Variants in PIP4K2A observed in about 807,000 individuals in gnomAD.
PIP4K2A encodes the protein phosphatidylinositol-5-phosphate 4-kinase type 2 alpha.
PIP4K2A carries 14 observed loss-of-function variants against 42.9 expected under a neutral mutation model. That is an observed-to-expected ratio of 0.33 (90% confidence interval 0.22 to 0.51). The LOEUF is 0.51. Among genes scored for constraint, PIP4K2A ranks in the 20% least tolerant of loss-of-function variants. PIP4K2A has a pLI of 0.97. For missense variants in PIP4K2A, 434 were observed against 519.8 expected (o/e 0.83, Z 1.61); for synonymous variants, 192 against 192.2 (o/e 1.00, Z 0.01).
chr10:22,596,645 C>G (rs1308506120), intron 3 of PIP4K2A, among the ~76,000 whole-genome samples: 1 of 152,252 alleles, frequency 6.6e-6, no homozygotes, highest in Non-Finnish European at 1.5e-5. Context: ...TTGATGGAAA[C>G]AGAGCTTGGG....
At chr10:22,572,709 G>A (rs1473158957) in intron 5 of PIP4K2A, among the ~76,000 whole-genome samples, 1 of 152,172 alleles carries the variant, frequency 6.6e-6, no homozygotes, top group Non-Finnish European at 1.5e-5. Flanking sequence ...CCCCTGAATT[G>A]GTGATACCAG....
chr10:22,663,770 CATAA>C (rs1839253684), intron 1 of PIP4K2A, among the ~76,000 whole-genome samples: 2 of 151,710 alleles, frequency 1.3e-5, no homozygotes, highest in African/African-American at 4.8e-5. Flanking sequence ...TAATATTCCA[CATAA>C]ATACACAGTC....
At chr10:22,652,506 A>T (rs111282812) in intron 1 of PIP4K2A, among the ~76,000 whole-genome samples, 69 of 152,334 alleles carry the variant, frequency 4.5e-4, no homozygotes, top group African/African-American at 1.5e-3. Flanking sequence ...CTGCAAAGCA[A>T]TGTCTTCGTA....
At chr10:22,674,240 C>A (rs1321819323) in intron 1 of PIP4K2A, among the ~76,000 whole-genome samples, 1 of 152,126 alleles carries the variant, frequency 6.6e-6, no homozygotes, top group African/African-American at 2.4e-5. Flanking sequence ...AAAGCATTAA[C>A]TAGCCTTCAT....
chr10:22,587,697 C>A (rs556193606), intron 4 of PIP4K2A, among the ~76,000 whole-genome samples: 1 of 152,140 alleles, frequency 6.6e-6, no homozygotes, highest in Admixed American at 6.6e-5. Context: ...ATCAAAATCT[C>A]GTCTGGAAGT....
At chr10:22,681,425 T>A (rs538979881) in intron 1 of PIP4K2A, among the ~76,000 whole-genome samples, 1 of 152,286 alleles carries the variant, frequency 6.6e-6, no homozygotes, top group South Asian at 2.1e-4. Flanking sequence ...TGTAATCCCA[T>A]CACCTTGAGA....
intron 1 of PIP4K2A, among the ~76,000 whole-genome samples, chr10:22,643,774 G>T (rs1257812408): frequency 6.6e-6 from 1 of 151,982 alleles, no homozygotes; most frequent in Admixed American, 6.6e-5. Flanking sequence ...AGAAGATGGG[G>T]TAGGTGCCTT....
chr10:22,670,990 C>T (rs1382006013), intron 1 of PIP4K2A, among the ~76,000 whole-genome samples: 2 of 152,106 alleles, frequency 1.3e-5, no homozygotes, highest in Non-Finnish European at 2.9e-5. Flanking sequence ...GGCATCATCC[C>T]ATCGGGCATC....
In PIP4K2A at chr10:22,714,560, C is replaced by T. The variant is rs1198774196; in HGVS notation, c.-234G>A. 1 of 147,398 alleles carries T rather than the reference C, an allele frequency of 6.8e-6. No homozygotes were observed. The highest frequency in any genetic ancestry group is 2.0e-4 in the East Asian group (1 of 5,064). The allele number at this position is 147,398 out of a possible 1,614,324, so 9.1% of individuals were successfully genotyped here. A position where few individuals can be genotyped will look rare whatever the true frequency, so the allele number is the denominator to read the frequency against. ...CCCGTATCCTGCGCCCGCCGCGGAT[C>T]CGCGCTCAGCCCGCGGCTGGACCCG... On this transcript the variant is annotated 5_prime_UTR_variant, in exon 1 of 10. Coordinates refer to ENST00000376573, the MANE Select transcript of PIP4K2A (RefSeq NM_005028.5).
chr10:22,614,755 A>G (rs191471665), intron 1 of PIP4K2A, among the ~76,000 whole-genome samples: 171 of 152,322 alleles, frequency 1.1e-3, no homozygotes, highest in Admixed American at 2.4e-3. Context: ...GCTGCTTAAT[A>G]ACTGAAAAGA....
chr10:22,560,203 G>C (rs1408659801), intron 6 of PIP4K2A, among the ~76,000 whole-genome samples: 1 of 152,148 alleles, frequency 6.6e-6, no homozygotes, highest in African/African-American at 2.4e-5. Flanking sequence ...TGAATTGAGG[G>C]CCTAAAAAGC....
intron 1 of PIP4K2A, among the ~76,000 whole-genome samples, chr10:22,682,308 C>G (rs1839680067): frequency 6.6e-6 from 1 of 152,160 alleles, no homozygotes; most frequent in Admixed American, 6.5e-5. Context: ...TCTTTTTAAC[C>G]TAGCAACTAT....
intron 3 of PIP4K2A, among the ~76,000 whole-genome samples, chr10:22,598,317 C>G (rs1837678300): frequency 6.6e-6 from 1 of 152,122 alleles, no homozygotes; most frequent in Non-Finnish European, 1.5e-5. Flanking sequence ...ATGATTGTAC[C>G]ACTGCACTCC....
chr10:22,541,879 G>T lies in PIP4K2A; in HGVS notation c.961C>A (p.Leu321Met). 6.2e-7 allele frequency: 1 copy of T among 1,612,768 alleles called. No individual in the cohort carries two copies. The change falls in exon 8 of 10, where the codon CTG (leucine) becomes ATG (methionine). Residue 321 changes from leucine (L) to methionine (M), a missense_variant. Leu to Met is a conservative substitution (Grantham distance 15). Coordinates refer to ENST00000376573, the MANE Select transcript of PIP4K2A (RefSeq NM_005028.5). Reference protein sequence around the residue: ...GTPPDSPGNTLNSSPPLAPGE... With the variant: ...GTPPDSPGNTMNSSPPLAPGE... The stretch of plus-strand genomic sequence containing the variant: ...GGAGCCAGGGGTGGTGAGCTGTTCA[G>T]TGTATTCCCGGGGCTATCTGGGGGG...
chr10:22,686,611 A>T (rs1009509604), intron 1 of PIP4K2A, among the ~76,000 whole-genome samples: 3 of 152,180 alleles, frequency 2.0e-5, no homozygotes, highest in Admixed American at 6.5e-5. Context: ...CTGAGACCAC[A>T]GGCATACACC....
intron 7 of PIP4K2A, among the ~76,000 whole-genome samples, chr10:22,549,952 A>G (rs890879935): frequency 6.6e-6 from 1 of 152,114 alleles, no homozygotes; most frequent in African/African-American, 2.4e-5. Context: ...ATCCAATGGA[A>G]AAGCTGCAAT....
At chr10:22,584,765 C>T (rs1159590891) in intron 4 of PIP4K2A, among the ~76,000 whole-genome samples, 1 of 152,196 alleles carries the variant, frequency 6.6e-6, no homozygotes, top group Non-Finnish European at 1.5e-5. Context: ...ACAATGGCAG[C>T]AGAGGGTCTA....
chr10:22,694,342 C>G (rs2099509550), intron 1 of PIP4K2A: 1 of 152,138 alleles, frequency 6.6e-6, no homozygotes, highest in Admixed American at 6.6e-5. Flanking sequence ...TTAAATAACT[C>G]AAGATGTGGC....
chr10:22,638,330 T>A (rs1224041506), intron 1 of PIP4K2A, among the ~76,000 whole-genome samples: 2 of 152,236 alleles, frequency 1.3e-5, no homozygotes, highest in African/African-American at 4.8e-5. Context: ...TTGAACAATC[T>A]CTTCTGTCTC....
Sources: gnomAD v4.1 joint callset for allele counts (sites outside exome capture counted in the v4.1 genomes callset) on GRCh38, gnomAD v4.1.1 for gene constraint, MANE v1.5 for transcripts, NCBI Gene and HGNC (gene_info 2026-07-23, HGNC 2026-07-21) for gene names.